Variants in CCDC77 observed in about 807,000 individuals in gnomAD.
CCDC77 encodes coiled-coil domain containing 77, also known as coiled-coil domain-containing protein 77.
A neutral mutation model predicts 66.8 loss-of-function variants in CCDC77; 56 were observed. That is an observed-to-expected ratio of 0.84 (90% CI 0.68 to 1.05). CCDC77 has a LOEUF of 1.05. Among genes scored for constraint, CCDC77 ranks in the 50% least tolerant of loss-of-function variants. The pLI is 0.00. For synonymous variants in CCDC77, 196 were observed against 195.2 expected (o/e 1.00, Z -0.03); for missense variants, 570 against 576.8 (o/e 0.99, Z 0.12).
intron 4 of CCDC77, among the ~76,000 whole-genome samples, chr12:417,961 G>A (rs567909883): frequency 2.6e-5 from 4 of 152,160 alleles, no homozygotes; most frequent in African/African-American, 9.6e-5. Context: ...TCTATAGTCT[G>A]TAAAAGGAAG....
chr12:431,825 C>A, intron 7 of CCDC77, 41 bp from the exon 8 acceptor site: 1 of 1,308,484 alleles, frequency 7.6e-7, no homozygotes, highest in Admixed American at 1.9e-5. Context: ...CACAGAAAAG[C>A]TGAGTAAAAT....
chr12:438,183 C>A, intron 9 of CCDC77, 152 bp from the exon 10 acceptor site: 1 of 597,998 alleles, frequency 1.7e-6, no homozygotes, highest in Non-Finnish European at 2.9e-6. Context: ...GTAAGATTGC[C>A]AGTGATCAGA....
upstream of CCDC77, among the ~76,000 whole-genome samples, chr12:398,622 C>T (rs949342390): frequency 6.6e-6 from 1 of 152,128 alleles, no homozygotes; most frequent in African/African-American, 2.4e-5. Flanking sequence ...GCAGTTATTT[C>T]GTCCATGAAG....
At chr12:437,361 TAATA>T (rs1945777599) in intron 9 of CCDC77, among the ~76,000 whole-genome samples, 2 of 152,082 alleles carry the variant, frequency 1.3e-5, no homozygotes, top group Non-Finnish European at 2.9e-5. Context: ...GGGGCAAAAA[TAATA>T]AATAAGGTAT....
At chr12:431,212 C>G (rs12831183) in intron 7 of CCDC77, among the ~76,000 whole-genome samples, 2 of 115,778 alleles carry the variant, frequency 1.7e-5, no homozygotes, top group African/African-American at 2.9e-5. Flanking sequence ...TTGCTCAGTT[C>G]TTTTTTTTTT....
At chr12:409,626 C>T in intron 3 of CCDC77, 1 of 579,064 alleles carries the variant, frequency 1.7e-6, no homozygotes, top group South Asian at 2.1e-5. Flanking sequence ...AAGCAATCCT[C>T]CCACCTCAGC....
At chr12:417,594 G>A (rs1489665821) in intron 4 of CCDC77, among the ~76,000 whole-genome samples, 7 of 152,100 alleles carry the variant, frequency 4.6e-5, no homozygotes, top group Admixed American at 3.9e-4. Flanking sequence ...TCATAATAAT[G>A]CTTATGATAT....
At chr12:418,710 C>CATTCATTG (rs1295279645) in intron 5 of CCDC77, 74 bp downstream of exon 5, 1 of 1,488,384 alleles carries the variant, frequency 6.7e-7, no homozygotes, top group East Asian at 2.3e-5. Context: ...TTCATTCATT[C>CATTCATTG]ATTGATTTAG....
chr12:418,624 G>A lies in CCDC77; in HGVS notation c.401G>A (p.Arg134Gln), dbSNP rs144010623. The change falls in exon 5 of 13, where the codon CGA (arginine) becomes CAA (glutamine). Residue 134 changes from arginine (R) to glutamine (Q), a missense_variant. Arg to Gln is a conservative substitution (Grantham distance 43, BLOSUM62 1). Coordinates refer to ENST00000239830, the MANE Select transcript of CCDC77 (RefSeq NM_032358.4). ...TTACGCCTCTACTCAGAAAATGACCGACTGAGAATCAGGTACCAAATAGGA... is the reference window on the plus strand; with the variant it reads ...TTACGCCTCTACTCAGAAAATGACCAACTGAGAATCAGGTACCAAATAGGA... ...HVLRLYSENDRLRIRELEDKK... is the reference protein window; with the variant it reads ...HVLRLYSENDQLRIRELEDKK... The A allele has an allele frequency of 1.6e-5, 26 of 1,613,544 alleles. No individual in the cohort carries two copies. Among genetic ancestry groups the A allele is most frequent in the Non-Finnish European group, 1.9e-5 (22 of 1,179,866 alleles).
intron 4 of CCDC77, among the ~76,000 whole-genome samples, chr12:412,469 A>G (rs569357182): frequency 6.6e-6 from 1 of 152,260 alleles, no homozygotes; most frequent in South Asian, 2.1e-4. Context: ...AGGATTTCTT[A>G]ACCTCGGCAT....
At chr12:396,056 A>T (rs1467391886) in intron 1 of CCDC77, among the ~76,000 whole-genome samples, 1 of 152,210 alleles carries the variant, frequency 6.6e-6, no homozygotes, top group East Asian at 1.9e-4. Context: ...TCTCTAAAAA[A>T]TAAAAAATAA....
At chr12:431,654 G>C (rs1363362042) in intron 7 of CCDC77, among the ~76,000 whole-genome samples, 1 of 152,140 alleles carries the variant, frequency 6.6e-6, no homozygotes, top group Non-Finnish European at 1.5e-5. Flanking sequence ...ACATCCTGCA[G>C]AGTTCCCTTA....
At chr12:413,980 C>T (rs549768063) in intron 4 of CCDC77, among the ~76,000 whole-genome samples, 12 of 151,918 alleles carry the variant, frequency 7.9e-5, no homozygotes, top group South Asian at 2.1e-4. Flanking sequence ...CCACTAAAAC[C>T]GTGCCGTCTG....
chr12:412,961 C>T (rs538115264), intron 4 of CCDC77, among the ~76,000 whole-genome samples: 30 of 151,614 alleles, frequency 2.0e-4, no homozygotes, highest in African/African-American at 6.0e-4. Context: ...TTTTTTGAGA[C>T]GGAGTCTCGC....
intron 5 of CCDC77, among the ~76,000 whole-genome samples, chr12:423,317 T>G (rs2137583521): frequency 6.8e-6 from 1 of 146,508 alleles, no homozygotes; most frequent in African/African-American, 2.5e-5. Flanking sequence ...TATTTTTTTT[T>G]TTTGTGGAGA....
chr12:436,895 TAA>T, intron 9 of CCDC77: 2 of 267,574 alleles, frequency 7.5e-6, no homozygotes, highest in Non-Finnish European at 1.2e-5. Context: ...ATTGAGAAGA[TAA>T]TGTAAGACAG....
In CCDC77 at chr12:427,473, TA is replaced by T. The variant is rs1386302460; in HGVS notation, c.414-1294del. Among the ~76,000 whole-genome samples, 10 of 139,438 alleles carry T rather than the reference TA, an allele frequency of 7.2e-5. No individual in the cohort carries two copies. In the East Asian group the frequency reaches 1.6e-3, roughly 23 times the overall value. The allele number at this position is 139,438 out of a possible 152,430, so 91.5% of individuals were successfully genotyped here. A position where few individuals can be genotyped will look rare whatever the true frequency, so the allele number is the denominator to read the frequency against. On this transcript the variant is annotated intron_variant, in intron 5 of 12. Transcript: ENST00000239830. Reference sequence around the variant, plus strand: ...TTTTATGTTGTTTTTTTTAATTAATTAATTTTTTTTTTTTTTTTTGAGACAG... The same window carrying T: ...TTTTATGTTGTTTTTTTTAATTAATTATTTTTTTTTTTTTTTTTGAGACAG...
At chr12:438,713 G>A in intron 10 of CCDC77, 159 bp downstream of exon 10, 2 of 578,714 alleles carry the variant, frequency 3.5e-6, no homozygotes, top group Non-Finnish European at 6.1e-6. Context: ...GATCGTTGTA[G>A]TATTTGGGGA....
intron 2 of CCDC77, among the ~76,000 whole-genome samples, chr12:408,189 A>G (rs934500721): frequency 6.6e-6 from 1 of 152,166 alleles, no homozygotes; most frequent in Non-Finnish European, 1.5e-5. Context: ...AATGCTTGAT[A>G]AGAAAGTTTT....
Sources: allele counts gnomAD v4.1 joint callset (sites outside exome capture counted in the v4.1 genomes callset), GRCh38; gene constraint gnomAD v4.1.1; transcripts MANE v1.5; gene names NCBI Gene and HGNC (gene_info 2026-07-23, HGNC 2026-07-21).